The following SYT1 variants were observed in gnomAD, a reference collection of about 807,000 sequenced individuals.
SYT1 encodes synaptotagmin 1, also known as synaptotagmin-1.
Under a neutral mutation model 44.8 loss-of-function variants are expected in SYT1, and 8 were observed. The ratio of observed to expected loss-of-function variants is 0.18; its 90% CI spans 0.10 to 0.32. The LOEUF (loss-of-function observed/expected upper bound fraction) is 0.32. Ranked by LOEUF, SYT1 falls within the 10% of genes least tolerant of loss-of-function variation. The pLI, the probability that SYT1 is intolerant of heterozygous loss-of-function variation, is 1.00. For missense variants in SYT1, 286 were observed against 509.3 expected, an observed-to-expected ratio of 0.56 and a Z score of 4.22; for synonymous variants, 154 against 188.8, an observed-to-expected ratio of 0.82 and a Z score of 1.51.
At chr12:79,214,606 C>G (rs141231860) in intron 3 of SYT1, among the ~76,000 whole-genome samples, 1 of 152,294 alleles carries the variant, frequency 6.6e-6, no homozygotes, top group African/African-American at 2.4e-5. Context: ...GCTATCAGTA[C>G]ACACAAAGGC....
intron 4 of SYT1, among the ~76,000 whole-genome samples, chr12:79,263,037 G>T (rs990616689): frequency 6.6e-6 from 1 of 152,162 alleles, no homozygotes; most frequent in Non-Finnish European, 1.5e-5. Flanking sequence ...ACATATGGTC[G>T]CTTACTGCCC....
At chr12:79,119,191 G>T (rs1879458917) in intron 3 of SYT1, among the ~76,000 whole-genome samples, 1 of 152,106 alleles carries the variant, frequency 6.6e-6, no homozygotes, top group African/African-American at 2.4e-5. Context: ...ATCATATCCT[G>T]CCTGAACTTT....
At chr12:78,931,203 GAAA>G (rs1565723154) in intron 1 of SYT1, among the ~76,000 whole-genome samples, 11 of 39,008 alleles carry the variant, frequency 2.8e-4, no homozygotes, top group East Asian at 1.8e-3. Flanking sequence ...AAGAAAGAAA[GAAA>G]GAAAGAAAGA....
chr12:79,367,366 C>T (rs1478290942), intron 9 of SYT1, among the ~76,000 whole-genome samples: 1 of 152,146 alleles, frequency 6.6e-6, no homozygotes, highest in Non-Finnish European at 1.5e-5. Flanking sequence ...AGTGGCAGGA[C>T]CTGGTCCCAG....
chr12:79,360,041 C>A (rs1883258359), intron 9 of SYT1, among the ~76,000 whole-genome samples: 2 of 152,116 alleles, frequency 1.3e-5, no homozygotes, highest in South Asian at 4.1e-4. Context: ...GGGTGGGAAC[C>A]TGGAAATTGC....
chr12:79,227,036 T>G (rs942607782), intron 4 of SYT1, among the ~76,000 whole-genome samples: 2 of 152,122 alleles, frequency 1.3e-5, no homozygotes, highest in Non-Finnish European at 2.9e-5. Flanking sequence ...GGCAGATGTG[T>G]TTTTTGCAAA....
At chr12:78,936,829 A>G (rs1159285644) in intron 1 of SYT1, among the ~76,000 whole-genome samples, 1 of 152,118 alleles carries the variant, frequency 6.6e-6, no homozygotes, top group Non-Finnish European at 1.5e-5. Context: ...GTGTTTGTTA[A>G]TTGTCTTTAC....
intron 8 of SYT1, among the ~76,000 whole-genome samples, chr12:79,346,168 C>G (rs1882596315): frequency 6.6e-6 from 1 of 152,092 alleles, no homozygotes; most frequent in Non-Finnish European, 1.5e-5. Context: ...GGCTACAGAG[C>G]CATTAAATAA....
At chr12:79,181,146 A>G (rs1299924795) in intron 3 of SYT1, among the ~76,000 whole-genome samples, 3 of 152,068 alleles carry the variant, frequency 2.0e-5, no homozygotes, top group Non-Finnish European at 4.4e-5. Context: ...AGTCTTGGGT[A>G]TGTCTTTATT....
At chr12:79,285,757 TG>T in intron 4 of SYT1, 29 bp from the exon 5 acceptor site, 1 of 1,517,536 alleles carries the variant, frequency 6.6e-7, no homozygotes, top group African/African-American at 1.4e-5. Context: ...AAGTGTTGTA[TG>T]ACTAGTGCTC....
At chr12:79,381,660 A>G (rs948861494) in intron 9 of SYT1, among the ~76,000 whole-genome samples, 1 of 152,220 alleles carries the variant, frequency 6.6e-6, no homozygotes, top group Non-Finnish European at 1.5e-5. Context: ...AGATTTAGAT[A>G]GTCCTGGATG....
In SYT1 at chr12:79,339,503, G is replaced by A. The variant is rs556098276; in HGVS notation, c.811-13999G>A. ...GTATCTGTTCATATCCTTTGCCCAC[G>A]TTTTGATGGGGTCGTTTGATTTTTC... On this transcript the variant is annotated intron_variant, in intron 8 of 10. Coordinates refer to ENST00000261205, the MANE Select transcript of SYT1 (RefSeq NM_005639.3). 2.4e-3 allele frequency among the ~76,000 whole-genome samples: 362 copies of A among 152,126 alleles called. 3 individuals are homozygous for A. Among genetic ancestry groups the A allele is most frequent in the African/African-American group, 7.7e-3 (318 of 41,510 alleles).
chr12:79,093,800 T>G (rs897234304), intron 3 of SYT1, among the ~76,000 whole-genome samples: 22 of 151,726 alleles, frequency 1.4e-4, no homozygotes, highest in African/African-American at 5.3e-4. Flanking sequence ...ACATACAGAA[T>G]TTTTTATCTT....
intron 8 of SYT1, among the ~76,000 whole-genome samples, chr12:79,338,314 TCACC>T (rs1882182951): frequency 6.6e-6 from 1 of 151,582 alleles, no homozygotes; most frequent in African/African-American, 2.4e-5. Context: ...TCTCACTCTG[TCACC>T]CAGGCTGGAG....
chr12:79,237,182 G>A (rs929575610), intron 4 of SYT1, among the ~76,000 whole-genome samples: 4 of 152,190 alleles, frequency 2.6e-5, no homozygotes, highest in African/African-American at 9.7e-5. Context: ...CTGTGTCTGG[G>A]TCTGAAGGTG....
At chr12:79,208,371 A>G (rs1874248548) in intron 3 of SYT1, among the ~76,000 whole-genome samples, 1 of 152,232 alleles carries the variant, frequency 6.6e-6, no homozygotes, top group South Asian at 2.1e-4. Flanking sequence ...CATAAAGCTC[A>G]CTAAATTCTC....
chr12:79,095,164 G>A (rs1017991344), intron 3 of SYT1, among the ~76,000 whole-genome samples: 18 of 151,790 alleles, frequency 1.2e-4, no homozygotes, highest in Non-Finnish European at 8.8e-5. Flanking sequence ...ATTATCAAAC[G>A]AGTACCCCAA....
chr12:79,238,342 T>C (rs1592885143), intron 4 of SYT1, among the ~76,000 whole-genome samples: 1 of 152,096 alleles, frequency 6.6e-6, no homozygotes, highest in East Asian at 1.9e-4. Flanking sequence ...TAGCTAGACA[T>C]ATAAGCATCC....
chr12:79,197,165 A>G (rs769472546), intron 3 of SYT1, among the ~76,000 whole-genome samples: 6 of 152,216 alleles, frequency 3.9e-5, no homozygotes, highest in African/African-American at 9.6e-5. Context: ...CAAACATTCA[A>G]TGCAACCTGA....
Sources: allele counts gnomAD v4.1 joint callset (sites outside exome capture counted in the v4.1 genomes callset), GRCh38; gene constraint gnomAD v4.1.1; transcripts MANE v1.5; gene names NCBI Gene and HGNC (gene_info 2026-07-23, HGNC 2026-07-21).